CFAP47: variants seen among roughly 807,000 people sequenced by gnomAD.
The protein encoded by CFAP47 is cilia and flagella associated protein 47, also known as cilia- and flagella-associated protein 47.
Under a neutral mutation model 148.1 loss-of-function variants are expected in CFAP47, and 29 were observed. The ratio of observed to expected loss-of-function variants is 0.20; its 90% CI spans 0.15 to 0.27. The LOEUF (loss-of-function observed/expected upper bound fraction) is 0.27, where lower values mean the gene tolerates loss of function less well. Among genes scored for constraint, CFAP47 ranks in the 10% least tolerant of loss-of-function variants. The probability of loss-of-function intolerance (pLI) is 1.00; values close to 1 mark genes in which losing one functional copy is unlikely to be tolerated. For missense variants in CFAP47, 1,872 were observed against 1,697.5 expected, an observed-to-expected ratio of 1.10 and a Z score of -1.81; for synonymous variants, 664 against 577.3, an observed-to-expected ratio of 1.15 and a Z score of -2.15.
chrX:36,024,344 T>C (rs1318050382), intron 22 of CFAP47, among the ~76,000 whole-genome samples: 2 of 111,723 alleles, frequency 1.8e-5, no homozygotes, highest in African/African-American at 3.3e-5. Flanking sequence ...CTTTTGCCTC[T>C]CTTCTCCTCA....
chrX:36,047,442 T>C (rs764931553), intron 26 of CFAP47, among the ~76,000 whole-genome samples: 1 of 112,230 alleles, frequency 8.9e-6, no homozygotes, highest in South Asian at 3.6e-4. Flanking sequence ...GCTAAATAAG[T>C]GTCAACTGAA....
In CFAP47 at chrX:36,061,469, C is replaced by T. The variant is rs752480349; in HGVS notation, c.4218-4174C>T. Among the ~76,000 whole-genome samples, 4 of 112,004 alleles carry T rather than the reference C, an allele frequency of 3.6e-5. No homozygotes were observed. The South Asian group carries it at 1.5e-3, about 41-fold the overall frequency. ...GAGCTCTACTCATACTCAATGAGCT[C>T]TATGTATGTTATAAATATACATAAG... On this transcript the variant is annotated intron_variant, in intron 26 of 63. Coordinates refer to ENST00000378653, the MANE Select transcript of CFAP47 (RefSeq NM_001304548.2).
At chrX:36,078,988 A>G (rs937911333) in intron 29 of CFAP47, among the ~76,000 whole-genome samples, 1 of 111,616 alleles carries the variant, frequency 9.0e-6, no homozygotes, top group Admixed American at 9.5e-5. Context: ...TTTCTTTAAG[A>G]ATATTGAATA....
At chrX:36,025,043 A>G (rs1174774266) in intron 22 of CFAP47, among the ~76,000 whole-genome samples, 1 of 111,485 alleles carries the variant, frequency 9.0e-6, no homozygotes, top group Non-Finnish European at 1.9e-5. Context: ...CTAGTGCAAA[A>G]AAAATTCATC....
intron 60 of CFAP47, among the ~76,000 whole-genome samples, chrX:36,356,557 T>G (rs185787081): frequency 1.1e-3 from 126 of 111,190 alleles, no homozygotes; most frequent in African/African-American, 3.9e-3. Context: ...TAATTCTCTC[T>G]GCTTGACCCT....
chrX:36,143,972 C>CT (rs201357107), intron 35 of CFAP47, among the ~76,000 whole-genome samples: 1,226 of 111,464 alleles, frequency 0.011, 11 homozygotes, highest in African/African-American at 0.038. Context: ...ACTCCTTAGT[C>CT]TTTTTTCTCA....
At chrX:36,334,180 A>T (rs1443710463) in intron 57 of CFAP47, among the ~76,000 whole-genome samples, 1 of 111,388 alleles carries the variant, frequency 9.0e-6, no homozygotes, top group African/African-American at 3.3e-5. Flanking sequence ...CTCAATTTTG[A>T]CTAATGACCT....
chrX:36,046,733 C>A, intron 25 of CFAP47, 121 bp from the exon 26 acceptor site: 1 of 452,867 alleles, frequency 2.2e-6, no homozygotes, highest in Non-Finnish European at 3.7e-6. Flanking sequence ...TAATTAGGCA[C>A]ATGATTACAA....
chrX:35,958,878 C>T (rs1335424716), intron 8 of CFAP47, among the ~76,000 whole-genome samples: 1 of 111,770 alleles, frequency 8.9e-6, no homozygotes, highest in Non-Finnish European at 1.9e-5. Context: ...ACCCTATATA[C>T]TCTCAGGTTC....
intron 22 of CFAP47, among the ~76,000 whole-genome samples, chrX:36,018,342 C>T (rs749676042): frequency 1.1e-4 from 12 of 111,848 alleles, no homozygotes; most frequent in Admixed American, 2.9e-4. Context: ...AATTTGTATG[C>T]CTTTATTTCT....
At chrX:35,924,447 A>G (rs755885454) in intron 1 of CFAP47, among the ~76,000 whole-genome samples, 20 of 104,993 alleles carry the variant, frequency 1.9e-4, no homozygotes, top group South Asian at 8.2e-4. Flanking sequence ...ATGTACACCT[A>G]TATGTGTATA....
intron 33 of CFAP47, among the ~76,000 whole-genome samples, chrX:36,108,475 G>T (rs1036256613): frequency 1.8e-5 from 2 of 111,455 alleles, no homozygotes; most frequent in Non-Finnish European, 3.8e-5. Flanking sequence ...AATTTATTTT[G>T]ATTCTATCCA....
At position 35,958,342 on chromosome X, in the gene CFAP47, C is replaced by A. The variant is rs184644456; in HGVS notation, c.1410+2146C>A. 9.0e-5 allele frequency among the ~76,000 whole-genome samples: 10 copies of A among 111,661 alleles called. 1 individual carries two copies. The South Asian group carries it at 3.4e-3, about 37-fold the overall frequency. ...AATGAATGATGCTGCTATAAACATT[C>A]ATGTACAACTTTTTGTGTGGACAGA... On this transcript the variant is annotated intron_variant, in intron 8 of 63. Coordinates refer to ENST00000378653, the MANE Select transcript of CFAP47 (RefSeq NM_001304548.2).
At chrX:35,931,689 T>G (rs1366901689) in intron 2 of CFAP47, among the ~76,000 whole-genome samples, 2 of 111,720 alleles carry the variant, frequency 1.8e-5, no homozygotes, top group Non-Finnish European at 1.9e-5. Flanking sequence ...TGTGCATCTC[T>G]TTGCATAATT....
chrX:36,031,937 G>A (rs951414210), intron 23 of CFAP47, among the ~76,000 whole-genome samples: 1 of 110,223 alleles, frequency 9.1e-6, no homozygotes, highest in Non-Finnish European at 1.9e-5. Context: ...AACCTTTATA[G>A]CATTGAAGAA....
intron 59 of CFAP47, 62 bp downstream of exon 59, chrX:36,350,194 C>G: frequency 1.3e-6 from 1 of 762,654 alleles, no homozygotes; most frequent in South Asian, 2.5e-5. Flanking sequence ...ATTCTCTATT[C>G]CCATCTTTTT....
chrX:35,976,771 C>G (rs1192479543), intron 15 of CFAP47, among the ~76,000 whole-genome samples: 1 of 111,886 alleles, frequency 8.9e-6, no homozygotes, highest in Non-Finnish European at 1.9e-5. Flanking sequence ...TTTAATACAA[C>G]TCATAAAATC....
intron 57 of CFAP47, among the ~76,000 whole-genome samples, chrX:36,320,953 A>G (rs1941474028): frequency 9.0e-6 from 1 of 110,905 alleles, no homozygotes; most frequent in South Asian, 3.7e-4. Context: ...TACAACTGCT[A>G]TGGAGATCAG....
intron 49 of CFAP47, among the ~76,000 whole-genome samples, chrX:36,264,930 A>G (rs1940872678): frequency 8.9e-6 from 1 of 112,110 alleles, no homozygotes; most frequent in Non-Finnish European, 1.9e-5. Context: ...AACAATTTTT[A>G]TTTCTAATTC....
Sources: allele counts gnomAD v4.1 joint callset (sites outside exome capture counted in the v4.1 genomes callset), GRCh38; gene constraint gnomAD v4.1.1; transcripts MANE v1.5; gene names NCBI Gene and HGNC (gene_info 2026-07-23, HGNC 2026-07-21).